The following EFHC2 variants were observed in gnomAD, a reference collection of about 807,000 sequenced individuals.
EFHC2 encodes EF-hand domain-containing family member C2.
Under a neutral mutation model 52.7 loss-of-function variants are expected in EFHC2, and 18 were observed. The ratio of observed to expected loss-of-function variants is 0.34; its 90% CI spans 0.24 to 0.51. The LOEUF is 0.51. Among genes scored for constraint, EFHC2 ranks in the 20% least tolerant of loss-of-function variants. EFHC2 has a pLI of 0.97. For synonymous variants in EFHC2, 203 were observed against 204.1 expected (o/e 0.99, Z 0.04); for missense variants, 513 against 562.5 (o/e 0.91, Z 0.89).
intron 11 of EFHC2, among the ~76,000 whole-genome samples, chrX:44,191,367 C>T (rs971657691): frequency 3.6e-5 from 4 of 110,933 alleles, no homozygotes; most frequent in African/African-American, 1.3e-4. Flanking sequence ...TCCCGAGTAG[C>T]TGGAATTACA....
At chrX:44,242,553 T>G (rs1476112573) in intron 7 of EFHC2, among the ~76,000 whole-genome samples, 1 of 111,210 alleles carries the variant, frequency 9.0e-6, no homozygotes, top group African/African-American at 3.3e-5. Flanking sequence ...CGTTTATATT[T>G]TGTCATCACA....
At chrX:44,285,958 C>A (rs1165520999) in intron 2 of EFHC2, 1 of 112,874 alleles carries the variant, frequency 8.9e-6, no homozygotes, top group Admixed American at 9.4e-5. Context: ...TCATCGAGCC[C>A]CTGTTGAACC....
intron 2 of EFHC2, among the ~76,000 whole-genome samples, chrX:44,302,576 T>C (rs1036136653): frequency 8.9e-6 from 1 of 112,654 alleles, no homozygotes; most frequent in African/African-American, 3.2e-5. Flanking sequence ...TGTTTTATTC[T>C]TAGTGACAAA....
intron 13 of EFHC2, among the ~76,000 whole-genome samples, chrX:44,172,361 A>C (rs1213862801): frequency 1.8e-5 from 2 of 112,500 alleles, no homozygotes; most frequent in Admixed American, 9.4e-5. Context: ...TTATGGTCTA[A>C]CAATCAGAAT....
intron 2 of EFHC2, among the ~76,000 whole-genome samples, chrX:44,277,407 G>A (rs972936217): frequency 2.7e-5 from 3 of 111,599 alleles, no homozygotes; most frequent in Non-Finnish European, 5.6e-5. Context: ...TTTAAGCTCT[G>A]TTTTATGAAA....
At chrX:44,319,052 G>A (rs909079839) in intron 1 of EFHC2, among the ~76,000 whole-genome samples, 15 of 103,185 alleles carry the variant, frequency 1.5e-4, no homozygotes, top group Non-Finnish European at 2.4e-4. Flanking sequence ...CGCCCAGGCC[G>A]GAGTACAGTG....
chrX:44,327,466 T>A (rs2038060030), intron 1 of EFHC2, among the ~76,000 whole-genome samples: 1 of 112,188 alleles, frequency 8.9e-6, no homozygotes, highest in South Asian at 3.7e-4. Flanking sequence ...ATAGAAAATT[T>A]GATACAGAAT....
intron 11 of EFHC2, among the ~76,000 whole-genome samples, chrX:44,224,538 T>C (rs1424825517): frequency 8.9e-6 from 1 of 112,336 alleles, no homozygotes; most frequent in African/African-American, 3.2e-5. Context: ...AGAATTTTAG[T>C]TTTACAAGGG....
intron 14 of EFHC2, among the ~76,000 whole-genome samples, chrX:44,149,295 T>C (rs971433411): frequency 2.7e-5 from 3 of 111,738 alleles, no homozygotes; most frequent in Non-Finnish European, 5.6e-5. Context: ...CCCAGGATGC[T>C]GCTGTTCTTA....
At chrX:44,162,767 C>T (rs1272399925) in intron 14 of EFHC2, among the ~76,000 whole-genome samples, 5 of 110,169 alleles carry the variant, frequency 4.5e-5, no homozygotes, top group Non-Finnish European at 9.5e-5. Context: ...ACTTCCTGTT[C>T]CCCCCCAGTC....
At chrX:44,288,980 G>A (rs921444972) in intron 2 of EFHC2, among the ~76,000 whole-genome samples, 2 of 111,577 alleles carry the variant, frequency 1.8e-5, no homozygotes, top group African/African-American at 6.5e-5. Context: ...GAGAGTAGCA[G>A]GAAAAAGTAT....
At chrX:44,341,080 A>G (rs1031543919) in intron 1 of EFHC2, among the ~76,000 whole-genome samples, 2 of 112,504 alleles carry the variant, frequency 1.8e-5, no homozygotes, top group African/African-American at 3.2e-5. Context: ...ATAAAAATGT[A>G]CAAACTACCT....
intron 1 of EFHC2, among the ~76,000 whole-genome samples, chrX:44,329,539 GA>G (rs1196615809): frequency 9.0e-6 from 1 of 110,721 alleles, no homozygotes; most frequent in Non-Finnish European, 1.9e-5. Flanking sequence ...GCATCTATAG[GA>G]CAAAAAAGTT....
intron 11 of EFHC2, among the ~76,000 whole-genome samples, chrX:44,222,230 AGTGCCTTAGCGTG>A (rs771843488): frequency 1.8e-5 from 2 of 111,375 alleles, no homozygotes; most frequent in African/African-American, 6.5e-5. Context: ...AATAGGAGAA[AGTGCCTTAGCGTG>A]AGACAATAAG....
At chrX:44,268,435 C>T (rs758144523) in intron 3 of EFHC2, among the ~76,000 whole-genome samples, 7 of 111,283 alleles carry the variant, frequency 6.3e-5, no homozygotes, top group Non-Finnish European at 9.4e-5. Context: ...GGACAGGGGC[C>T]AGTGAGCTAT....
At chrX:44,214,998 A>G (rs941237172) in intron 11 of EFHC2, among the ~76,000 whole-genome samples, 3 of 111,254 alleles carry the variant, frequency 2.7e-5, no homozygotes, top group Non-Finnish European at 5.7e-5. Context: ...GGTGGGAGGT[A>G]ATTACATCAT....
At chrX:44,285,730 A>T in intron 2 of EFHC2, 1 of 158,982 alleles carries the variant, frequency 6.3e-6, no homozygotes, top group Non-Finnish European at 1.3e-5. Flanking sequence ...AGGCTGTGGC[A>T]TTCGGCGAAA....
At chrX:44,336,937 G>A (rs73198111) in intron 1 of EFHC2, among the ~76,000 whole-genome samples, 1 of 111,338 alleles carries the variant, frequency 9.0e-6, no homozygotes, top group South Asian at 3.7e-4. Flanking sequence ...GTCAGTAAAA[G>A]AACCTAATTT....
chrX:44,222,047 A>T lies in EFHC2; in HGVS notation c.1751+7602T>A, dbSNP rs1430549295. Among the ~76,000 whole-genome samples the T allele has an allele frequency of 4.5e-5, 5 of 111,955 alleles. No individual in the cohort carries two copies. In the Admixed American group the frequency reaches 4.8e-4, roughly 11 times the overall value. On this transcript the variant is annotated intron_variant, in intron 11 of 14. Transcript: ENST00000420999. ...ACAATCATATTTGGATTCTAATTTT[A>T]AAAAATTAGTCTTCAGTTCTATTTT...
Sources: allele counts gnomAD v4.1 joint callset (sites outside exome capture counted in the v4.1 genomes callset), GRCh38; gene constraint gnomAD v4.1.1; transcripts MANE v1.5; gene names NCBI Gene and HGNC (gene_info 2026-07-23, HGNC 2026-07-21).